Variants in B3GALT1 observed in about 807,000 individuals in gnomAD.
B3GALT1 encodes the protein beta-1,3-galactosyltransferase 1, also known as UDP-Gal:betaGlcNAc beta 1,3-galactosyltransferase, polypeptide 1.
B3GALT1 carries 10 observed loss-of-function variants against 23.2 expected under a neutral mutation model. The observed-to-expected ratio is 0.43, with a 90% CI of 0.27 to 0.73. The LOEUF is 0.73. B3GALT1 is among the 30% of genes least tolerant of loss of function. B3GALT1 has a pLI of 0.21. For synonymous variants in B3GALT1, 156 were observed against 141.5 expected, an observed-to-expected ratio of 1.10 and a Z score of -0.73; for missense variants, 299 against 405.4, an observed-to-expected ratio of 0.74 and a Z score of 2.25.
chr2:167,667,488 A>C (rs1256914418), intron 3 of B3GALT1, among the ~76,000 whole-genome samples: 1 of 151,988 alleles, frequency 6.6e-6, no homozygotes, highest in Non-Finnish European at 1.5e-5. Flanking sequence ...CTGAATCTGA[A>C]TGTTGGCCTG....
rs1254183548 is a variant in B3GALT1, at chr2:167,377,627, A to T, written c.-511+84293A>T. ...TTTGGTTTAAAGTCTGTTTTATCTGACATAAAAACAGTGACCCCTGCCTTT... is the reference window on the plus strand; with the variant it reads ...TTTGGTTTAAAGTCTGTTTTATCTGTCATAAAAACAGTGACCCCTGCCTTT... On this transcript the variant is annotated intron_variant, in intron 1 of 4. Coordinates refer to ENST00000392690, the MANE Select transcript of B3GALT1 (RefSeq NM_020981.4). 2.0e-5 allele frequency among the ~76,000 whole-genome samples: 3 copies of T among 152,066 alleles called. No individual in the cohort carries two copies. The East Asian group carries it at 5.8e-4, about 29-fold the overall frequency.
chr2:167,522,005 TACAC>T (rs1553464226), intron 2 of B3GALT1, among the ~76,000 whole-genome samples: 18 of 144,926 alleles, frequency 1.2e-4, no homozygotes, highest in South Asian at 2.2e-4. Context: ...TATATATATA[TACAC>T]ATATATATAT....
intron 2 of B3GALT1, among the ~76,000 whole-genome samples, chr2:167,638,716 T>TA (rs1685602024): frequency 6.6e-6 from 1 of 151,990 alleles, no homozygotes; most frequent in African/African-American, 2.4e-5. Flanking sequence ...GTGCCTTCAT[T>TA]AAAAAAGAGG....
chr2:167,777,451 A>G (rs1046187882), intron 3 of B3GALT1, among the ~76,000 whole-genome samples: 2 of 152,116 alleles, frequency 1.3e-5, no homozygotes, highest in African/African-American at 2.4e-5. Flanking sequence ...GGTTCAAGCA[A>G]TTGTCCTGCC....
intron 4 of B3GALT1, among the ~76,000 whole-genome samples, chr2:167,839,121 A>T (rs1262429849): frequency 6.6e-6 from 1 of 151,562 alleles, no homozygotes; most frequent in African/African-American, 2.4e-5. Flanking sequence ...CTGGCACAAG[A>T]CAGGGATGCC....
intron 4 of B3GALT1, among the ~76,000 whole-genome samples, chr2:167,844,405 C>T (rs1181774517): frequency 2.6e-5 from 4 of 152,336 alleles, no homozygotes; most frequent in African/African-American, 9.6e-5. Context: ...ACTCGGGAGA[C>T]ATCCCAAGTA....
At chr2:167,530,146 G>C (rs1332435817) in intron 2 of B3GALT1, among the ~76,000 whole-genome samples, 1 of 144,546 alleles carries the variant, frequency 6.9e-6, no homozygotes, top group Non-Finnish European at 1.5e-5. Flanking sequence ...TCTTCCTTCA[G>C]ATATTAGCAG....
intron 3 of B3GALT1, among the ~76,000 whole-genome samples, chr2:167,748,625 G>T (rs116496503): frequency 2.0e-3 from 307 of 152,280 alleles, no homozygotes; most frequent in African/African-American, 7.0e-3. Context: ...GCATGACTCG[G>T]AATGTCAGGC....
intron 1 of B3GALT1, among the ~76,000 whole-genome samples, chr2:167,438,844 G>A (rs898996813): frequency 2.0e-5 from 3 of 152,180 alleles, no homozygotes; most frequent in African/African-American, 7.2e-5. Flanking sequence ...CAGTCTAGTG[G>A]ATTGATACTG....
At chr2:167,570,282 C>T (rs141525897) in intron 2 of B3GALT1, among the ~76,000 whole-genome samples, 2 of 151,938 alleles carry the variant, frequency 1.3e-5, no homozygotes, top group Admixed American at 1.3e-4. Context: ...TCAGTGAACT[C>T]ATCGGGGCCT....
At chr2:167,759,450 A>G (rs149692847) in intron 3 of B3GALT1, among the ~76,000 whole-genome samples, 41 of 152,376 alleles carry the variant, frequency 2.7e-4, no homozygotes, top group African/African-American at 9.4e-4. Context: ...ATGTTTGCAC[A>G]TAAATCACTT....
In B3GALT1 at chr2:167,692,161, C is replaced by T. The variant is rs142032766; in HGVS notation, c.-352+45195C>T. On this transcript the variant is annotated intron_variant, in intron 3 of 4. Coordinates refer to ENST00000392690, the MANE Select transcript of B3GALT1 (RefSeq NM_020981.4). ...TTCCAACTGCCAGGTACCATTTGCT[C>T]ACACCTCGTCCTTGATCCTCATGAC... Among the ~76,000 whole-genome samples, 372 of 152,248 alleles carry T rather than the reference C, an allele frequency of 2.4e-3. 1 individual carries two copies. The highest frequency in any genetic ancestry group is 8.4e-3 in the African/African-American group (349 of 41,562).
chr2:167,808,433 G>T (rs1359932138), intron 3 of B3GALT1, among the ~76,000 whole-genome samples: 1 of 148,566 alleles, frequency 6.7e-6, no homozygotes, highest in African/African-American at 2.5e-5. Flanking sequence ...TTTTGCAGTG[G>T]CTGGTACTTA....
chr2:167,623,860 G>T (rs1407956562), intron 2 of B3GALT1, among the ~76,000 whole-genome samples: 2 of 151,988 alleles, frequency 1.3e-5, no homozygotes, highest in African/African-American at 4.8e-5. Flanking sequence ...GGACATAAGG[G>T]ATGTATTTAA....
chr2:167,724,633 T>C (rs1395177583), intron 3 of B3GALT1, among the ~76,000 whole-genome samples: 1 of 152,228 alleles, frequency 6.6e-6, no homozygotes, highest in Non-Finnish European at 1.5e-5. Flanking sequence ...TATTGAATTT[T>C]AAAGAAGCAA....
chr2:167,512,637 C>CGTATATATATATATATATAT (rs1370092531), intron 2 of B3GALT1, among the ~76,000 whole-genome samples: 6 of 64,948 alleles, frequency 9.2e-5, no homozygotes, highest in African/African-American at 4.7e-4. Context: ...TATATATATA[C>CGTATATATATATATATATAT]ATATATATAT....
At chr2:167,361,810 A>C (rs1358756976) in intron 1 of B3GALT1, among the ~76,000 whole-genome samples, 1 of 152,138 alleles carries the variant, frequency 6.6e-6, no homozygotes, top group African/African-American at 2.4e-5. Flanking sequence ...ACGGTGGCTC[A>C]TGCCTGTAAT....
At chr2:167,864,559 G>C (rs1172979137) in intron 4 of B3GALT1, among the ~76,000 whole-genome samples, 1 of 152,088 alleles carries the variant, frequency 6.6e-6, no homozygotes, top group Non-Finnish European at 1.5e-5. Context: ...GTGAGACCCT[G>C]TATTAACTTG....
chr2:167,313,270 TAGA>T (rs1414980812), intron 1 of B3GALT1, among the ~76,000 whole-genome samples: 1 of 152,114 alleles, frequency 6.6e-6, no homozygotes, highest in East Asian at 1.9e-4. Flanking sequence ...CTACTTTTTA[TAGA>T]AGAAGGCAGA....
Sources: gnomAD v4.1 joint callset for allele counts (sites outside exome capture counted in the v4.1 genomes callset) on GRCh38, gnomAD v4.1.1 for gene constraint, MANE v1.5 for transcripts, NCBI Gene and HGNC (gene_info 2026-07-23, HGNC 2026-07-21) for gene names.